The following PTK2 variants were observed in gnomAD, a reference collection of about 807,000 sequenced individuals.
The protein encoded by PTK2 is focal adhesion kinase 1.
Under a neutral mutation model 150.1 loss-of-function variants are expected in PTK2, and 45 were observed. The observed-to-expected ratio is 0.30, with a 90% CI of 0.24 to 0.38. The LOEUF is 0.38. Ranked by LOEUF, PTK2 falls within the 10% of genes least tolerant of loss-of-function variation. PTK2 has a pLI of 1.00. For synonymous variants in PTK2, 432 were observed against 449.2 expected (o/e 0.96, Z 0.48); for missense variants, 919 against 1,307.3 (o/e 0.70, Z 4.58).
intron 15 of PTK2, 86 bp from the exon 19 acceptor site, chr8:140,761,348 A>G (rs1056587372): frequency 1.5e-5 from 16 of 1,101,828 alleles, no homozygotes; most frequent in Non-Finnish European, 2.2e-5. Context: ...GATCATCCAT[A>G]AGTAAAATTT....
At chr8:140,927,958 G>GAAA (rs57931737) in intron 1 of PTK2, among the ~76,000 whole-genome samples, 15 of 63,664 alleles carry the variant, frequency 2.4e-4, no homozygotes, top group African/African-American at 7.8e-4. Context: ...AAAAAAAAAA[G>GAAA]AAAAAAAAAA....
chr8:140,931,332 T>C (rs1424577085), intron 1 of PTK2, among the ~76,000 whole-genome samples: 2 of 152,200 alleles, frequency 1.3e-5, no homozygotes, highest in East Asian at 1.9e-4. Flanking sequence ...TACTCTTCTA[T>C]ACCTTCTTAA....
intron 21 of PTK2, among the ~76,000 whole-genome samples, chr8:140,737,494 A>T (rs1425586511): frequency 6.6e-6 from 1 of 152,228 alleles, no homozygotes; most frequent in South Asian, 2.1e-4. Context: ...TACTGATTCT[A>T]GGAAACTTTA....
intron 1 of PTK2, among the ~76,000 whole-genome samples, chr8:140,944,422 A>T (rs1260368139): frequency 6.6e-6 from 1 of 152,204 alleles, no homozygotes; most frequent in Non-Finnish European, 1.5e-5. Flanking sequence ...GTTAACCTTA[A>T]GGCCTAAGCT....
chr8:140,921,244 G>C lies in PTK2; in HGVS notation c.-33+4417C>G, dbSNP rs577843242. 81 of 604,850 alleles carry C rather than the reference G, an allele frequency of 1.3e-4. 2 individuals carry two copies. In the South Asian group the frequency reaches 5.7e-3, roughly 43 times the overall value. The allele number at this position is 604,850 out of a possible 1,614,324, so 37.5% of individuals were successfully genotyped here. ...AGATTCATTCAGGGAAGGAGAAAGA[G>C]GGAGGGAAAAGAGGGAGGAGAAAAA... is the stretch of plus-strand genomic sequence containing the variant. On this transcript the variant is annotated intron_variant, in intron 2 of 31. Transcript: ENST00000522684.
intron 1 of PTK2, among the ~76,000 whole-genome samples, chr8:140,982,143 C>T (rs1306935346): frequency 1.3e-5 from 2 of 150,196 alleles, no homozygotes; most frequent in South Asian, 4.2e-4. Context: ...TACAGCAAAG[C>T]ATAGCAAGCT....
intron 10 of PTK2, among the ~76,000 whole-genome samples, chr8:140,813,679 C>T (rs2100102924): frequency 6.6e-6 from 1 of 151,966 alleles, no homozygotes; most frequent in Admixed American, 6.6e-5. Flanking sequence ...CACTAAATGC[C>T]CACATCGAAA....
At chr8:140,688,972 C>T (rs1227642643) in intron 26 of PTK2, among the ~76,000 whole-genome samples, 2 of 152,032 alleles carry the variant, frequency 1.3e-5, no homozygotes, top group African/African-American at 4.8e-5. Context: ...GAGGACTATC[C>T]CATTAGATAT....
At chr8:140,795,324 C>G (rs1042058344) in intron 12 of PTK2, among the ~76,000 whole-genome samples, 2 of 152,194 alleles carry the variant, frequency 1.3e-5, no homozygotes, top group African/African-American at 4.8e-5. Flanking sequence ...CCTTTACATC[C>G]TGACCAGCCA....
upstream of PTK2, chr8:141,001,921 A>G (rs2100200340): frequency 2.6e-5 from 4 of 152,276 alleles, no homozygotes; most frequent in South Asian, 8.3e-4. Flanking sequence ...AAAAATCATG[A>G]AAGGGACTTA....
intron 2 of PTK2, among the ~76,000 whole-genome samples, chr8:140,922,289 C>A (rs1219769034): frequency 6.6e-6 from 1 of 151,974 alleles, no homozygotes; most frequent in African/African-American, 2.4e-5. Flanking sequence ...CTATGCTCCA[C>A]TGAAAACATA....
chr8:140,683,636 A>G (rs1188573026), intron 27 of PTK2, among the ~76,000 whole-genome samples: 1 of 152,186 alleles, frequency 6.6e-6, no homozygotes, highest in Non-Finnish European at 1.5e-5. Context: ...GCAGCAGCAC[A>G]ACAAAAAGCT....
At chr8:140,731,634 C>T (rs1285728169) in intron 22 of PTK2, among the ~76,000 whole-genome samples, 3 of 152,136 alleles carry the variant, frequency 2.0e-5, no homozygotes, top group African/African-American at 7.2e-5. Context: ...GTGGCTCATG[C>T]CTGTAATCTC....
At chr8:140,880,890 C>T (rs970524067) in intron 3 of PTK2, among the ~76,000 whole-genome samples, 2 of 152,150 alleles carry the variant, frequency 1.3e-5, no homozygotes, top group Non-Finnish European at 2.9e-5. Context: ...TCCCAGGGCA[C>T]TGAGTGAATG....
intron 2 of PTK2, among the ~76,000 whole-genome samples, chr8:140,920,117 A>C (rs1011448449): frequency 6.6e-6 from 1 of 151,290 alleles, no homozygotes; most frequent in African/African-American, 2.5e-5. Flanking sequence ...AAAAATATTT[A>C]TTATATTCTT....
chr8:140,706,556 A>G (rs2100033938), intron 23 of PTK2, among the ~76,000 whole-genome samples: 1 of 152,222 alleles, frequency 6.6e-6, no homozygotes, highest in African/African-American at 2.4e-5. Context: ...CTGTAATCCC[A>G]GCACTTTGGG....
At chr8:140,813,882 T>TA (rs1440376581) in intron 10 of PTK2, among the ~76,000 whole-genome samples, 11 of 150,872 alleles carry the variant, frequency 7.3e-5, no homozygotes, top group Middle Eastern at 3.4e-3. Context: ...GTTGTTTTTT[T>TA]AAAAAAAAAT....
intron 16 of PTK2, among the ~76,000 whole-genome samples, chr8:140,760,788 T>C (rs2100068991): frequency 6.6e-6 from 1 of 152,218 alleles, no homozygotes. Flanking sequence ...TTATTCATCT[T>C]TTTTGGAGGG....
intron 1 of PTK2, among the ~76,000 whole-genome samples, chr8:140,991,617 T>G (rs2154610265): frequency 6.6e-6 from 1 of 152,306 alleles, no homozygotes; most frequent in Non-Finnish European, 1.5e-5. Context: ...AAATTAAGAC[T>G]AATTTTTGCC....
Sources: gnomAD v4.1 joint callset for allele counts (sites outside exome capture counted in the v4.1 genomes callset) on GRCh38, gnomAD v4.1.1 for gene constraint, MANE v1.5 for transcripts, NCBI Gene and HGNC (gene_info 2026-07-23, HGNC 2026-07-21) for gene names.